Variants in SAMD5 observed in about 807,000 individuals in gnomAD.
SAMD5 encodes sterile alpha motif domain containing 5, also known as sterile alpha motif domain-containing protein 5.
In SAMD5, 13 loss-of-function variants were observed where a neutral mutation model predicts 11.3. The ratio of observed to expected loss-of-function variants is 1.15; its 90% CI spans 0.75 to 1.83. The LOEUF is 1.83. Ranked by LOEUF, SAMD5 falls within the 40% of genes most tolerant of loss-of-function variation. The pLI is 0.00. For missense variants in SAMD5, 255 were observed against 239.1 expected (o/e 1.07, Z -0.44); for synonymous variants, 129 against 111.3 (o/e 1.16, Z -1.00).
chr6:147,781,182 G>T, the SAMD5 span, among the ~76,000 whole-genome samples: 2 of 149,560 alleles, frequency 1.3e-5, no homozygotes, highest in African/African-American at 2.5e-5. Context: ...TTGAGACAGG[G>T]TCTCATTTTG....
At chr6:147,883,791 A>G in the SAMD5 span, among the ~76,000 whole-genome samples, 1 of 152,224 alleles carries the variant, frequency 6.6e-6, no homozygotes, top group Non-Finnish European at 1.5e-5. Flanking sequence ...ATGTTCTAAT[A>G]TCACTGCAAA....
the SAMD5 span, among the ~76,000 whole-genome samples, chr6:147,772,920 G>A: frequency 6.6e-6 from 1 of 152,140 alleles, no homozygotes; most frequent in East Asian, 1.9e-4. Flanking sequence ...TGATGACATA[G>A]GCAGTAAGTA....
chr6:147,734,571 C>T (rs1791763769), intron 1 of SAMD5, among the ~76,000 whole-genome samples: 1 of 151,504 alleles, frequency 6.6e-6, no homozygotes, highest in East Asian at 1.9e-4. Flanking sequence ...AAAAAATAAT[C>T]CGGGCGTGTT....
the SAMD5 span, among the ~76,000 whole-genome samples, chr6:147,913,944 A>G: frequency 7.2e-5 from 11 of 152,196 alleles, no homozygotes; most frequent in Non-Finnish European, 1.0e-4. Flanking sequence ...CACACACAGC[A>G]TCCAGATCTT....
At chr6:147,873,830 C>T in the SAMD5 span, among the ~76,000 whole-genome samples, 2 of 152,062 alleles carry the variant, frequency 1.3e-5, no homozygotes, top group African/African-American at 4.8e-5. Flanking sequence ...ACAGTGGTTT[C>T]CATGCATAGA....
chr6:147,763,322 G>C, the SAMD5 span, among the ~76,000 whole-genome samples: 1 of 151,866 alleles, frequency 6.6e-6, no homozygotes, highest in Admixed American at 6.6e-5. Flanking sequence ...ACCATGCCTG[G>C]CTAATTTTTT....
intron 1 of SAMD5, among the ~76,000 whole-genome samples, chr6:147,514,562 T>G (rs1788136175): frequency 6.6e-6 from 1 of 151,948 alleles, no homozygotes; most frequent in Non-Finnish European, 1.5e-5. Context: ...GTGCTGACGT[T>G]TTGTTGAATC....
At chr6:147,871,780 A>C in the SAMD5 span, among the ~76,000 whole-genome samples, 2 of 152,156 alleles carry the variant, frequency 1.3e-5, no homozygotes, top group African/African-American at 4.8e-5. Flanking sequence ...ACCGTTCAAA[A>C]ATCTGTCAGT....
At chr6:147,794,527 A>C in the SAMD5 span, among the ~76,000 whole-genome samples, 1 of 152,196 alleles carries the variant, frequency 6.6e-6, no homozygotes, top group East Asian at 1.9e-4. Context: ...TTGTAATGTT[A>C]AAGCTAATGG....
At chr6:147,774,155 A>G in the SAMD5 span, among the ~76,000 whole-genome samples, 86,521 of 151,934 alleles carry the variant, frequency 0.57, 25,021 homozygotes, top group Middle Eastern at 0.66. Flanking sequence ...TGTCTCTATT[A>G]TAAGTCCACT....
At chr6:147,697,309 C>A (rs942972953) in intron 1 of SAMD5, among the ~76,000 whole-genome samples, 1 of 152,170 alleles carries the variant, frequency 6.6e-6, no homozygotes, top group African/African-American at 2.4e-5. Context: ...TGGAGAATTT[C>A]TTGAATAGTT....
intron 1 of SAMD5, among the ~76,000 whole-genome samples, chr6:147,653,378 A>C (rs1481813401): frequency 6.6e-6 from 1 of 152,208 alleles, no homozygotes; most frequent in East Asian, 1.9e-4. Flanking sequence ...GGACAGTGAG[A>C]GTATGTGTCT....
Position 147,616,299 on chromosome 6 carries a change from T to TGTA in SAMD5, c.162+106912_162+106913insGTA, listed in dbSNP as rs1199394016. Among the ~76,000 whole-genome samples, 508 of 144,338 alleles carry TGTA rather than the reference T, an allele frequency of 3.5e-3. 33 individuals are homozygous for TGTA. Among genetic ancestry groups the TGTA allele is most frequent in the African/African-American group, 0.012 (464 of 37,322 alleles). 94.7% of individuals were successfully genotyped at this position (144,338 alleles called of 152,430 possible). A position where few individuals can be genotyped will look rare whatever the true frequency, so the allele number is the denominator to read the frequency against. ...TTTATTCATATATACTTCATATATA[T>TGTA]TTCATATATATTTATTCATATATAC... is the stretch of plus-strand genomic sequence containing the variant. On this transcript the variant is annotated intron_variant, in intron 1 of 1. Transcript: ENST00000566741.
chr6:147,770,091 A>G, the SAMD5 span, among the ~76,000 whole-genome samples: 1 of 152,192 alleles, frequency 6.6e-6, no homozygotes, highest in Non-Finnish European at 1.5e-5. Flanking sequence ...TTAAGATTGA[A>G]AAAAGAAATG....
At chr6:147,789,139 G>A in the SAMD5 span, among the ~76,000 whole-genome samples, 1 of 150,628 alleles carries the variant, frequency 6.6e-6, no homozygotes. Context: ...ACTGGGTCAT[G>A]CCCGTAATCC....
the SAMD5 span, among the ~76,000 whole-genome samples, chr6:147,945,420 C>T: frequency 6.6e-6 from 1 of 152,184 alleles, no homozygotes; most frequent in African/African-American, 2.4e-5. Flanking sequence ...AATATATTTT[C>T]AGATTTTTAA....
chr6:147,585,643 T>C (rs915196231), intron 1 of SAMD5, among the ~76,000 whole-genome samples: 7 of 152,110 alleles, frequency 4.6e-5, no homozygotes, highest in African/African-American at 1.7e-4. Flanking sequence ...GAGTAGCAAT[T>C]TACTCCCCTC....
intron 1 of SAMD5, among the ~76,000 whole-genome samples, chr6:147,526,460 A>G (rs112170920): frequency 1.3e-3 from 198 of 152,336 alleles, no homozygotes; most frequent in African/African-American, 4.5e-3. Flanking sequence ...AGTAAACATA[A>G]CATTTCAGCA....
the SAMD5 span, among the ~76,000 whole-genome samples, chr6:147,908,299 G>C: frequency 6.6e-6 from 1 of 152,174 alleles, no homozygotes; most frequent in Non-Finnish European, 1.5e-5. Flanking sequence ...GTCCTGTGCT[G>C]AGGCTGGCAA....
Sources: allele counts gnomAD v4.1 joint callset (sites outside exome capture counted in the v4.1 genomes callset), GRCh38; gene constraint gnomAD v4.1.1; transcripts MANE v1.5; gene names NCBI Gene and HGNC (gene_info 2026-07-23, HGNC 2026-07-21).